Variants in NT5M observed in about 807,000 individuals in gnomAD.
NT5M encodes 5'(3')-deoxyribonucleotidase, mitochondrial.
In NT5M, 22 loss-of-function variants were observed where a neutral mutation model predicts 22.2. That is an observed-to-expected ratio of 0.99 (90% CI 0.71 to 1.41). The LOEUF (loss-of-function observed/expected upper bound fraction) is 1.41. Among genes scored for constraint, NT5M ranks in the 40% most tolerant of loss-of-function variants. The pLI is 0.00. For missense variants in NT5M, 322 were observed against 314.8 expected (o/e 1.02, Z -0.17); for synonymous variants, 167 against 133.0 (o/e 1.26, Z -1.76).
At chr17:17,317,602 C>A (rs1597759869) in intron 2 of NT5M, among the ~76,000 whole-genome samples, 1 of 152,152 alleles carries the variant, frequency 6.6e-6, no homozygotes, top group Non-Finnish European at 1.5e-5. Context: ...AAAAAAACCA[C>A]AATTCACATT....
chr17:17,329,398 C>T (rs2049330388), intron 3 of NT5M, among the ~76,000 whole-genome samples: 1 of 152,202 alleles, frequency 6.6e-6, no homozygotes, highest in Admixed American at 6.5e-5. Context: ...ATGCTCTGCT[C>T]CTCGGCCTCA....
intron 1 of NT5M, 91 bp from the exon 2 acceptor site, chr17:17,306,452 C>T: frequency 4.8e-6 from 4 of 840,186 alleles, no homozygotes; most frequent in South Asian, 1.4e-5. Flanking sequence ...AATGAAGAAC[C>T]ACTCCCCCTA....
chr17:17,329,690 T>C (rs781144694), intron 3 of NT5M, among the ~76,000 whole-genome samples: 14 of 152,196 alleles, frequency 9.2e-5, no homozygotes, highest in Non-Finnish European at 1.8e-4. Context: ...AAATTCCCAC[T>C]TCAGGCCGGG....
Position 17,346,898 on chromosome 17 carries a change from C to G in NT5M, c.638C>G (p.Ser213Trp), listed in dbSNP as rs748906204. Residue 213 changes from serine (S) to tryptophan (W), a missense_variant, in exon 5 of 5, where the codon TCG becomes TGG. Coordinates refer to ENST00000389022, the MANE Select transcript of NT5M (RefSeq NM_020201.4). Reference sequence around the variant, plus strand: ...CAGCCCCCCCGCCGCAGGCTGCACTCGTGGGCGGACGACTGGAAGGCCATT... The same window carrying G: ...CAGCCCCCCCGCCGCAGGCTGCACTGGTGGGCGGACGACTGGAAGGCCATT... Reference protein sequence around the residue: ...QLQPPRRRLHSWADDWKAILD... With the variant: ...QLQPPRRRLHWWADDWKAILD... 1.2e-6 allele frequency: 2 copies of G among 1,611,068 alleles called. No individual in the cohort carries two copies. The highest frequency in any genetic ancestry group is 2.2e-5 in the East Asian group (1 of 44,868).
chr17:17,322,628 C>A (rs2049173779), intron 2 of NT5M, among the ~76,000 whole-genome samples: 1 of 152,200 alleles, frequency 6.6e-6, no homozygotes, highest in African/African-American at 2.4e-5. Flanking sequence ...CGAACGCCAG[C>A]CTCATGAGGG....
chr17:17,314,946 T>C (rs955608290), intron 2 of NT5M, among the ~76,000 whole-genome samples: 1 of 152,176 alleles, frequency 6.6e-6, no homozygotes, highest in African/African-American at 2.4e-5. Context: ...GTGTGTACTC[T>C]AAGCTGAAAT....
At chr17:17,320,080 G>A (rs2049119284) in intron 2 of NT5M, among the ~76,000 whole-genome samples, 1 of 152,232 alleles carries the variant, frequency 6.6e-6, no homozygotes, top group African/African-American at 2.4e-5. Context: ...GACCTCAGGT[G>A]ATCTGCTTGC....
chr17:17,307,204 T>G (rs142712857), intron 2 of NT5M, among the ~76,000 whole-genome samples: 5 of 152,178 alleles, frequency 3.3e-5, no homozygotes, highest in African/African-American at 9.6e-5. Context: ...ATCTCAAAGC[T>G]CATTTATTCA....
At chr17:17,316,104 T>C (rs547003424) in intron 2 of NT5M, among the ~76,000 whole-genome samples, 3 of 148,408 alleles carry the variant, frequency 2.0e-5, no homozygotes, top group Non-Finnish European at 4.5e-5. Flanking sequence ...CCCCAGGCTG[T>C]AGTGTAGTGG....
chr17:17,345,902 C>T (rs1325414204), intron 4 of NT5M, among the ~76,000 whole-genome samples: 3 of 152,164 alleles, frequency 2.0e-5, no homozygotes, highest in Non-Finnish European at 4.4e-5. Context: ...TTTGGCCGGC[C>T]AAATCTAGGC....
intron 2 of NT5M, among the ~76,000 whole-genome samples, chr17:17,307,379 T>A (rs2048825950): frequency 6.6e-6 from 1 of 152,002 alleles, no homozygotes; most frequent in Admixed American, 6.6e-5. Flanking sequence ...ATCCCAGCAC[T>A]TTGAGAGGCC....
At chr17:17,344,529 AG>A (rs1213813793) in intron 3 of NT5M, among the ~76,000 whole-genome samples, 1 of 152,084 alleles carries the variant, frequency 6.6e-6, no homozygotes, top group Non-Finnish European at 1.5e-5. Context: ...GGGTGTGAAG[AG>A]GGGACAGGGC....
At chr17:17,345,987 G>C (rs1261095415) in intron 4 of NT5M, among the ~76,000 whole-genome samples, 14 of 152,202 alleles carry the variant, frequency 9.2e-5, no homozygotes, top group Non-Finnish European at 1.6e-4. Context: ...TCCTCCTCCT[G>C]GTAGCCGTCA....
chr17:17,309,255 C>G (rs902352511), intron 2 of NT5M, among the ~76,000 whole-genome samples: 1 of 151,532 alleles, frequency 6.6e-6, no homozygotes, highest in Non-Finnish European at 1.5e-5. Flanking sequence ...CCTCTAGAGT[C>G]GCTGTGACCA....
rs906804339 is a variant in NT5M, at chr17:17,304,307, CAGTG to C, written c.267+494_267+497del. The C allele has an allele frequency of 2.7e-5, 18 of 658,966 alleles. No individual in the cohort carries two copies. In the African/African-American group the frequency reaches 3.4e-4, roughly 12 times the overall value. 40.8% of individuals were successfully genotyped at this position (658,966 alleles called of 1,614,324 possible). On this transcript the variant is annotated intron_variant, in intron 1 of 4. Transcript: ENST00000389022. ...GTTGTGTGACTTTCTGGGGGTCACA[CAGTG>C]AGTCAGTGGTCCAGGTGAGGTGGGA...
At chr17:17,309,784 T>A (rs1280295634) in intron 2 of NT5M, among the ~76,000 whole-genome samples, 1 of 147,664 alleles carries the variant, frequency 6.8e-6, no homozygotes, top group Non-Finnish European at 1.5e-5. Flanking sequence ...AAAAGAGAAA[T>A]ACACAAAAAT....
intron 3 of NT5M, among the ~76,000 whole-genome samples, chr17:17,343,002 C>T (rs1439044288): frequency 6.6e-6 from 1 of 152,242 alleles, no homozygotes; most frequent in African/African-American, 2.4e-5. Context: ...ATGACGGACA[C>T]TGCATGCCTG....
At chr17:17,319,037 C>A (rs1262016904) in intron 2 of NT5M, among the ~76,000 whole-genome samples, 1 of 151,698 alleles carries the variant, frequency 6.6e-6, no homozygotes, top group Admixed American at 6.6e-5. Flanking sequence ...ATGGTGAAAC[C>A]CCACCTCTAC....
rs531896216 is a variant in NT5M, at chr17:17,306,674, T to G, written c.368+31T>G. On this transcript the variant is annotated intron_variant, in intron 2 of 4. Transcript: ENST00000389022. ...TTTGTCCTCCCAGCCACTCAGTAAG[T>G]TTGTCTGAGCAGCCACTGAGCCCTG... 1.7e-4 allele frequency: 249 copies of G among 1,488,246 alleles called. 1 individual carries two copies. Among genetic ancestry groups the G allele is most frequent in the Admixed American group, 2.8e-4 (17 of 59,846 alleles). The allele number at this position is 1,488,246 out of a possible 1,614,324, so 92.2% of individuals were successfully genotyped here. A position where few individuals can be genotyped will look rare whatever the true frequency, so the allele number is the denominator to read the frequency against.
Sources: allele counts gnomAD v4.1 joint callset (sites outside exome capture counted in the v4.1 genomes callset), GRCh38; gene constraint gnomAD v4.1.1; transcripts MANE v1.5; gene names NCBI Gene and HGNC (gene_info 2026-07-23, HGNC 2026-07-21).